PTPRN2: variants seen among roughly 807,000 people sequenced by gnomAD.
The protein encoded by PTPRN2 is protein tyrosine phosphatase receptor type N2.
A neutral mutation model predicts 118.8 loss-of-function variants in PTPRN2; 74 were observed. The ratio of observed to expected loss-of-function variants is 0.62; its 90% CI spans 0.52 to 0.76. PTPRN2 has a LOEUF of 0.76. Ranked by LOEUF, PTPRN2 falls within the 30% of genes least tolerant of loss-of-function variation. The pLI is 0.00. For missense variants in PTPRN2, 1,481 were observed against 1,394.4 expected (o/e 1.06, Z -0.99); for synonymous variants, 641 against 608.0 (o/e 1.05, Z -0.80).
intron 2 of PTPRN2, among the ~76,000 whole-genome samples, chr7:158,390,770 T>C (rs926333968): frequency 6.6e-6 from 1 of 152,218 alleles, no homozygotes; most frequent in African/African-American, 2.4e-5. Flanking sequence ...TTCTCGCGCA[T>C]CGTCCCCTTA....
At chr7:158,256,838 C>T (rs1797053921) in intron 3 of PTPRN2, among the ~76,000 whole-genome samples, 1 of 152,096 alleles carries the variant, frequency 6.6e-6, no homozygotes, top group Admixed American at 6.6e-5. Flanking sequence ...AAAATATAGT[C>T]TCTAAGAAAT....
intron 3 of PTPRN2, among the ~76,000 whole-genome samples, chr7:158,277,612 C>T (rs895018381): frequency 4.6e-5 from 7 of 152,214 alleles, no homozygotes; most frequent in Non-Finnish European, 7.3e-5. Context: ...CTGTCAGGGC[C>T]TTGCCACACT....
rs1303846562 is a variant in PTPRN2 at position 158,438,579 on chromosome 7, A to C, written c.163+51156T>G. Among the ~76,000 whole-genome samples, 1 of 152,110 alleles carries C rather than the reference A, an allele frequency of 6.6e-6. No individual in the cohort carries two copies. The highest frequency in any genetic ancestry group is 1.9e-4 in the East Asian group (1 of 5,184). On this transcript the variant is annotated intron_variant, in intron 2 of 22. Coordinates refer to ENST00000389418, the MANE Select transcript of PTPRN2 (RefSeq NM_002847.5). This position sits in a 1 kb window ranked among gnomAD's most constrained non-coding sequence, Gnocchi z 4.7. ...TACCCAGCACTTCTAGTTGTTCCCC[A>C]CAGGAAATCTGATCCGATGCAAACA...
intron 10 of PTPRN2, among the ~76,000 whole-genome samples, chr7:158,087,890 C>T (rs1813603546): frequency 2.1e-5 from 2 of 94,878 alleles, no homozygotes; most frequent in Admixed American, 1.2e-4. Context: ...CCTTCTTCCC[C>T]TGATGAAAGA....
intron 15 of PTPRN2, chr7:157,616,601 T>G (rs983566509): frequency 3.3e-5 from 5 of 152,150 alleles, no homozygotes; most frequent in African/African-American, 1.2e-4. Context: ...CGGCTGGCAC[T>G]GAGATCAAAA....
At chr7:158,584,301 C>G (rs1828802654) in intron 1 of PTPRN2, among the ~76,000 whole-genome samples, 1 of 152,094 alleles carries the variant, frequency 6.6e-6, no homozygotes, top group South Asian at 2.1e-4. Flanking sequence ...AAGTGAAGAA[C>G]AGCGTAAAGC....
intron 2 of PTPRN2, among the ~76,000 whole-genome samples, chr7:158,480,786 G>A (rs1431848624): frequency 6.6e-6 from 1 of 152,232 alleles, no homozygotes. Flanking sequence ...CCAGAGCAAG[G>A]CCCTCACTCT....
chr7:157,860,802 G>A (rs552824584), intron 12 of PTPRN2, among the ~76,000 whole-genome samples: 14 of 152,324 alleles, frequency 9.2e-5, no homozygotes, highest in African/African-American at 2.6e-4. Flanking sequence ...CAGCATTCAC[G>A]GTCCGTCCAA....
At chr7:158,067,967 A>G (rs1261092786) in intron 11 of PTPRN2, among the ~76,000 whole-genome samples, 2 of 152,190 alleles carry the variant, frequency 1.3e-5, no homozygotes, top group African/African-American at 4.8e-5. Context: ...GTCTGAGGAC[A>G]GCCGCTGAGG....
intron 11 of PTPRN2, among the ~76,000 whole-genome samples, chr7:158,071,161 G>A (rs1326730279): frequency 3.7e-5 from 2 of 53,832 alleles, no homozygotes; most frequent in Non-Finnish European, 8.3e-5. Context: ...AGGTGCTCGT[G>A]GTGGAGGTGC....
chr7:158,189,683 A>T (rs1441661358), intron 5 of PTPRN2, among the ~76,000 whole-genome samples: 2 of 152,240 alleles, frequency 1.3e-5, no homozygotes, highest in African/African-American at 4.8e-5. Context: ...GTATGTTACT[A>T]AAACCATCTC....
chr7:158,024,792 T>C (rs1280685597), intron 11 of PTPRN2, among the ~76,000 whole-genome samples: 3 of 152,246 alleles, frequency 2.0e-5, no homozygotes, highest in Admixed American at 6.5e-5. Context: ...GCAACTTCAG[T>C]TGTGCTCTCA....
chr7:158,053,248 G>A (rs935143506), intron 11 of PTPRN2, among the ~76,000 whole-genome samples: 5 of 152,164 alleles, frequency 3.3e-5, no homozygotes, highest in Admixed American at 6.5e-5. Flanking sequence ...ACTAAAAGGC[G>A]CTTTAAAAAT....
At chr7:158,303,168 C>CAAAAA (rs542953447) in intron 3 of PTPRN2, among the ~76,000 whole-genome samples, 1 of 119,858 alleles carries the variant, frequency 8.3e-6, no homozygotes, top group African/African-American at 3.0e-5. Flanking sequence ...ACTAACCCAC[C>CAAAAA]AAAAAAAAAA....
intron 14 of PTPRN2, among the ~76,000 whole-genome samples, chr7:157,636,608 G>A (rs1183938468): frequency 6.6e-6 from 1 of 152,144 alleles, no homozygotes; most frequent in African/African-American, 2.4e-5. Context: ...ATTTACCCAT[G>A]GTATTTCAAA....
At chr7:158,442,337 G>T (rs953879876) in intron 2 of PTPRN2, among the ~76,000 whole-genome samples, 1 of 152,150 alleles carries the variant, frequency 6.6e-6, no homozygotes, top group Non-Finnish European at 1.5e-5. Flanking sequence ...GAAATGCATG[G>T]TATTCTCTAT....
In PTPRN2 at chr7:157,629,360, C is replaced by T. The variant is rs1299981506; in HGVS notation, c.2197-7851G>A. Among the ~76,000 whole-genome samples, 1 of 151,986 alleles carries T rather than the reference C, an allele frequency of 6.6e-6. No individual in the cohort carries two copies. Among genetic ancestry groups the T allele is most frequent in the Non-Finnish European group, 1.5e-5 (1 of 68,018 alleles). The stretch of plus-strand genomic sequence containing the variant: ...TTTGGCATCTATCTGTTGGCTGTAA[C>T]AATGAAGAAGTGAGATACTGAGAGG... On this transcript the variant is annotated intron_variant, in intron 14 of 22. Coordinates refer to ENST00000389418, the MANE Select transcript of PTPRN2 (RefSeq NM_002847.5). The surrounding 1 kb of genome is among the most constrained non-coding windows in gnomAD (Gnocchi z 4.4).
At chr7:158,011,032 A>G (rs955666383) in intron 11 of PTPRN2, among the ~76,000 whole-genome samples, 1 of 152,254 alleles carries the variant, frequency 6.6e-6, no homozygotes, top group Non-Finnish European at 1.5e-5. Flanking sequence ...ATCCTGAAAT[A>G]GGACTGTCAC....
At chr7:158,439,941 A>C (rs1277963293) in intron 2 of PTPRN2, among the ~76,000 whole-genome samples, 1 of 152,228 alleles carries the variant, frequency 6.6e-6, no homozygotes, top group Admixed American at 6.5e-5. Flanking sequence ...CCAGGGAGGC[A>C]TTGGTTTGGG....
Sources: gnomAD v4.1 joint callset for allele counts (sites outside exome capture counted in the v4.1 genomes callset) on GRCh38, gnomAD v4.1.1 for gene constraint, Gnocchi (gnomAD v3.1) non-coding constraint, MANE v1.5 for transcripts, NCBI Gene and HGNC (gene_info 2026-07-23, HGNC 2026-07-21) for gene names.